IGSF10: variants seen among roughly 807,000 people sequenced by gnomAD.
The protein encoded by IGSF10 is immunoglobulin superfamily member 10, also known as calvaria mechanical force protein 608.
In IGSF10, 126 loss-of-function variants were observed where a neutral mutation model predicts 128.2. The ratio of observed to expected loss-of-function variants is 0.98; its 90% CI spans 0.85 to 1.14. IGSF10 has a LOEUF of 1.14. Ranked by LOEUF, IGSF10 falls within the 50% of genes most tolerant of loss-of-function variation. The pLI is 0.00. For synonymous variants in IGSF10, 1,185 were observed against 1,146.2 expected (o/e 1.03, Z -0.68); for missense variants, 3,295 against 3,149.8 (o/e 1.05, Z -1.10).
At chr3:151,617,319 C>CT in the IGSF10 span, among the ~76,000 whole-genome samples, 395 of 107,094 alleles carry the variant, frequency 3.7e-3, 13 homozygotes, top group Middle Eastern at 0.014. Context: ...TCTTCTTCTT[C>CT]CCCTCCTCCT....
At chr3:151,543,442 T>A in the IGSF10 span, among the ~76,000 whole-genome samples, 1 of 152,150 alleles carries the variant, frequency 6.6e-6, no homozygotes, top group Non-Finnish European at 1.5e-5. Flanking sequence ...CTCCCTTGCC[T>A]TCAGGGTCAG....
At chr3:151,539,272 G>A in the IGSF10 span, among the ~76,000 whole-genome samples, 2 of 152,274 alleles carry the variant, frequency 1.3e-5, no homozygotes, top group African/African-American at 4.8e-5. Flanking sequence ...TCTGTAACCC[G>A]AGAGAAGACC....
At chr3:151,595,907 ATATTG>A in the IGSF10 span, among the ~76,000 whole-genome samples, 8 of 152,116 alleles carry the variant, frequency 5.3e-5, no homozygotes, top group African/African-American at 1.2e-4. Context: ...ACAGTTAATA[ATATTG>A]TATTGTATTG....
At chr3:151,577,198 A>C in the IGSF10 span, among the ~76,000 whole-genome samples, 1 of 152,152 alleles carries the variant, frequency 6.6e-6, no homozygotes, top group Non-Finnish European at 1.5e-5. Context: ...ATTTAGGAAG[A>C]TTTTTATTTC....
chr3:151,546,131 C>T, the IGSF10 span, among the ~76,000 whole-genome samples: 30 of 151,660 alleles, frequency 2.0e-4, no homozygotes, highest in African/African-American at 6.8e-4. Context: ...GGTTCTCAAC[C>T]TGGGAGCATC....
chr3:151,466,674 G>A, the IGSF10 span, among the ~76,000 whole-genome samples: 1 of 152,148 alleles, frequency 6.6e-6, no homozygotes, highest in Non-Finnish European at 1.5e-5. Context: ...CACCTCCTGG[G>A]TTCAAATGAT....
At position 151,436,637 on chromosome 3, in the gene IGSF10, T is replaced by A; in HGVS notation, c.*52A>T. ...TGCCTATGGCTGCCTTTGATTAAACTTCTTCCAAAAAATAAATTCTGCCCA... is the reference window on the plus strand; with the variant it reads ...TGCCTATGGCTGCCTTTGATTAAACATCTTCCAAAAAATAAATTCTGCCCA... On this transcript the variant is annotated 3_prime_UTR_variant, in exon 8 of 8. Coordinates refer to ENST00000282466, the MANE Select transcript of IGSF10 (RefSeq NM_178822.5). The A allele has an allele frequency of 1.5e-6, 2 of 1,349,442 alleles. No individual in the cohort carries two copies. Among genetic ancestry groups the A allele is most frequent in the Non-Finnish European group, 2.0e-6 (2 of 979,760 alleles). 83.6% of individuals were successfully genotyped at this position (1,349,442 alleles called of 1,614,324 possible).
the IGSF10 span, among the ~76,000 whole-genome samples, chr3:151,515,578 C>A: frequency 6.6e-6 from 1 of 151,290 alleles, no homozygotes; most frequent in Non-Finnish European, 1.5e-5. Flanking sequence ...ATGTAACAAA[C>A]CTGCACGTTG....
Position 151,446,981 on chromosome 3 carries a change from A to G in IGSF10, c.3000T>C (p.Ser1000=), listed in dbSNP as rs138531783. ...GTCTGAACAGCGGGATGTTAACTGT[A>G]CTATTTCTAGGGATCGGAAACTGAG... ...AHSQFPIPRN[S]TVNIPLFRRF... is the part of the protein sequence containing the mutation. Residue 1000 remains serine (S), a synonymous_variant, in exon 6 of 8, where the codon AGT becomes AGC. Transcript: ENST00000282466. 84 of 1,614,022 alleles carry G rather than the reference A, an allele frequency of 5.2e-5. No individual in the cohort carries two copies. Among genetic ancestry groups the G allele is most frequent in the Admixed American group, 3.8e-4 (23 of 59,992 alleles).
At chr3:151,491,997 A>AAAAT in the IGSF10 span, among the ~76,000 whole-genome samples, 129,959 of 151,736 alleles carry the variant, frequency 0.86, 55,870 homozygotes, top group Middle Eastern at 0.95. Context: ...CACAAAAGCA[A>AAAAT]AAATAAATGA....
chr3:151,578,288 T>C, the IGSF10 span, among the ~76,000 whole-genome samples: 1 of 152,176 alleles, frequency 6.6e-6, no homozygotes, highest in Non-Finnish European at 1.5e-5. Flanking sequence ...CAGATAGTAA[T>C]AGTAAATATT....
chr3:151,577,935 C>G, the IGSF10 span, among the ~76,000 whole-genome samples: 1 of 152,090 alleles, frequency 6.6e-6, no homozygotes, highest in East Asian at 1.9e-4. Flanking sequence ...CTCTTTGTTT[C>G]TTTTAATGTT....
Position 151,437,659 on chromosome 3 carries a change from C to T in IGSF10, c.6902G>A (p.Arg2301Lys). Residue 2301 changes from arginine to lysine, a missense_variant, in exon 8 of 8, where the codon AGG becomes AAG. By Grantham distance (26) the Arg-to-Lys change is conservative. Transcript: ENST00000282466. ...TVHKNGTLEI[R>K]NVRLSDSADF... The stretch of plus-strand genomic sequence containing the variant: ...GGCTGAATCTGAAAGCCTCACATTC[C>T]TAATTTCCAAGGTTCCATTTTTATG... 2 of 1,614,178 alleles carry T rather than the reference C, an allele frequency of 1.2e-6. No homozygotes were observed. Among genetic ancestry groups the T allele is most frequent in the South Asian group, 1.1e-5 (1 of 91,086 alleles).
chr3:151,490,057 C>A, the IGSF10 span, among the ~76,000 whole-genome samples: 2 of 152,016 alleles, frequency 1.3e-5, no homozygotes, highest in Non-Finnish European at 2.9e-5. Context: ...TCAATAATAA[C>A]CTTTAATTTA....
Position 151,443,796 on chromosome 3 carries a change from G to A in IGSF10, c.5151C>T (p.Asp1717=). The change falls in exon 7 of 8, where the codon GAC becomes GAT. Residue 1717 remains aspartate (D), a synonymous_variant. Coordinates refer to ENST00000282466, the MANE Select transcript of IGSF10 (RefSeq NM_178822.5). ...ATGCGGAACACAAGTACTGTCCGCG[G>A]TCCTGAATTTCCACCCTCTGGATGG... The part of the protein sequence containing the change: ...TLSIQRVEIQ[D]RGQYLCSASN... 1 of 1,614,068 alleles carries A rather than the reference G, an allele frequency of 6.2e-7. No individual in the cohort carries two copies. The highest frequency in any genetic ancestry group is 8.5e-7 in the Non-Finnish European group (1 of 1,179,970).
At chr3:151,453,276 A>T (rs1721597294) in intron 5 of IGSF10, 108 bp downstream of exon 5, 3 of 846,634 alleles carry the variant, frequency 3.5e-6, no homozygotes, top group Non-Finnish European at 5.4e-6. Context: ...TATTTCTGAG[A>T]TGTTATTTTC....
At chr3:151,468,630 A>G in the IGSF10 span, among the ~76,000 whole-genome samples, 2 of 152,218 alleles carry the variant, frequency 1.3e-5, no homozygotes, top group African/African-American at 4.8e-5. Flanking sequence ...AGTCGTGTAC[A>G]GTCCCGATGA....
At chr3:151,535,894 G>T in the IGSF10 span, among the ~76,000 whole-genome samples, 65 of 152,288 alleles carry the variant, frequency 4.3e-4, no homozygotes, top group Non-Finnish European at 8.2e-4. Context: ...TGGCTTCGCA[G>T]TTTCTTTCAA....
At chr3:151,461,950 A>G (rs1376559092), upstream of IGSF10, among the ~76,000 whole-genome samples, 1 of 152,208 alleles carries the variant, frequency 6.6e-6, no homozygotes, top group Non-Finnish European at 1.5e-5. Context: ...TACATCGTAT[A>G]TAGATGTCTC....
Sources: gnomAD v4.1 joint callset for allele counts (sites outside exome capture counted in the v4.1 genomes callset) on GRCh38, gnomAD v4.1.1 for gene constraint, MANE v1.5 for transcripts, NCBI Gene and HGNC (gene_info 2026-07-23, HGNC 2026-07-21) for gene names.